Variants in PXDNL observed in about 807,000 individuals in gnomAD.
The protein encoded by PXDNL is peroxidasin like, also known as probable oxidoreductase PXDNL.
In PXDNL, 145 loss-of-function variants were observed where a neutral mutation model predicts 150.8. The observed-to-expected ratio is 0.96, with a 90% CI of 0.84 to 1.10. The LOEUF (loss-of-function observed/expected upper bound fraction) is 1.10. Among genes scored for constraint, PXDNL ranks in the 50% least tolerant of loss-of-function variants. The probability of loss-of-function intolerance (pLI) is 0.00; values close to 1 mark genes in which losing one functional copy is unlikely to be tolerated. For synonymous variants in PXDNL, 757 were observed against 725.7 expected, an observed-to-expected ratio of 1.04 and a Z score of -0.69; for missense variants, 2,087 against 1,873.9, an observed-to-expected ratio of 1.11 and a Z score of -2.10.
In PXDNL at chr8:51,323,959, AG is replaced by A. The variant is rs1274226731; in HGVS notation, c.4147-3063del. On this transcript the variant is annotated intron_variant, in intron 21 of 22. Transcript: ENST00000356297. ...ATAAAATAAAAAAATAAAAAAAAAA[AG>A]AATCTTGTACGGGTCATTAGTATAA... Among the ~76,000 whole-genome samples, 8 of 151,974 alleles carry A rather than the reference AG, an allele frequency of 5.3e-5. No individual in the cohort carries two copies. The East Asian group carries it at 1.5e-3, about 29-fold the overall frequency.
chr8:51,741,361 T>C (rs920775554), intron 1 of PXDNL, among the ~76,000 whole-genome samples: 3 of 152,216 alleles, frequency 2.0e-5, no homozygotes, highest in African/African-American at 4.8e-5. Flanking sequence ...GCTCCTATAT[T>C]GGGTGCATAT....
chr8:51,803,388 A>C (rs1045953902), intron 1 of PXDNL, among the ~76,000 whole-genome samples: 1 of 151,858 alleles, frequency 6.6e-6, no homozygotes, highest in Admixed American at 6.6e-5. Context: ...ACACAAAAAA[A>C]CTCTCCCTGT....
chr8:51,635,131 G>A (rs34228216), intron 2 of PXDNL, among the ~76,000 whole-genome samples: 70,391 of 151,826 alleles, frequency 0.46, 21,203 homozygotes, highest in African/African-American at 0.87. Context: ...TAAATGACAA[G>A]TGGGTCAGAG....
intron 1 of PXDNL, among the ~76,000 whole-genome samples, chr8:51,772,924 T>C (rs1028078150): frequency 9.2e-5 from 14 of 152,208 alleles, no homozygotes; most frequent in Admixed American, 4.6e-4. Context: ...AGGCATTCAC[T>C]GCACACTAAT....
At chr8:51,403,296 T>C (rs1430302666) in intron 17 of PXDNL, among the ~76,000 whole-genome samples, 1 of 152,160 alleles carries the variant, frequency 6.6e-6, no homozygotes, top group Non-Finnish European at 1.5e-5. Flanking sequence ...GGCAGGATAT[T>C]TGTACATGTC....
At chr8:51,450,298 C>T (rs1204676203) in intron 10 of PXDNL, among the ~76,000 whole-genome samples, 1 of 152,184 alleles carries the variant, frequency 6.6e-6, no homozygotes. Flanking sequence ...GTTTTATCAG[C>T]AGGGTCTTTG....
In PXDNL at chr8:51,744,764, AGGAAG is replaced by A. The variant is rs2036958284; in HGVS notation, c.164+64412_164+64416del. Among the ~76,000 whole-genome samples, 4 of 10,264 alleles carry A rather than the reference AGGAAG, an allele frequency of 3.9e-4. No individual in the cohort carries two copies. The Non-Finnish European group carries it at 0.014, about 37-fold the overall frequency. 6.7% of individuals were successfully genotyped at this position (10,264 alleles called of 152,430 possible). On this transcript the variant is annotated intron_variant, in intron 1 of 22. Coordinates refer to ENST00000356297, the MANE Select transcript of PXDNL (RefSeq NM_144651.5). ...AGAGAAAAGAAAAGAGAGAGAAAGA[AGGAAG>A]GAGAGAAAGAAAAGAGAGAAAAAGA...
intron 19 of PXDNL, among the ~76,000 whole-genome samples, chr8:51,359,182 C>A (rs1036481445): frequency 6.6e-6 from 1 of 152,092 alleles, no homozygotes; most frequent in Admixed American, 6.5e-5. Flanking sequence ...ATGAAAGGGT[C>A]CCGAATAGTT....
chr8:51,385,884 C>A (rs969992176), intron 17 of PXDNL, among the ~76,000 whole-genome samples: 2 of 152,192 alleles, frequency 1.3e-5, no homozygotes, highest in Non-Finnish European at 2.9e-5. Flanking sequence ...TCACCTTCCA[C>A]CATGATTGTG....
chr8:51,391,895 C>T (rs1172983378), intron 17 of PXDNL, among the ~76,000 whole-genome samples: 1 of 152,052 alleles, frequency 6.6e-6, no homozygotes, highest in East Asian at 1.9e-4. Context: ...GTCTTTAATC[C>T]ATCTTGAATT....
chr8:51,644,385 CAT>C (rs1313965159), intron 2 of PXDNL, among the ~76,000 whole-genome samples: 13 of 29,174 alleles, frequency 4.5e-4, no homozygotes, highest in Admixed American at 1.3e-3. Context: ...TATACACACA[CAT>C]ATGTGTATAT....
intron 19 of PXDNL, among the ~76,000 whole-genome samples, chr8:51,356,813 C>T (rs1374905194): frequency 6.6e-6 from 1 of 152,192 alleles, no homozygotes. Flanking sequence ...ACACTTGCTG[C>T]TTATCACTTC....
intron 1 of PXDNL, among the ~76,000 whole-genome samples, chr8:51,710,163 G>T (rs1402550711): frequency 6.6e-6 from 1 of 152,172 alleles, no homozygotes; most frequent in Non-Finnish European, 1.5e-5. Context: ...TGTAGGCTCT[G>T]AGACTCCACC....
intron 1 of PXDNL, among the ~76,000 whole-genome samples, chr8:51,730,186 CAG>C (rs1816891578): frequency 7.6e-6 from 1 of 131,290 alleles, no homozygotes; most frequent in East Asian, 2.3e-4. Flanking sequence ...AGGGTATTGA[CAG>C]GGGGTAGCTT....
chr8:51,772,717 G>A (rs1034341348), intron 1 of PXDNL, among the ~76,000 whole-genome samples: 1 of 152,212 alleles, frequency 6.6e-6, no homozygotes, highest in African/African-American at 2.4e-5. Context: ...AGAGGCTGAA[G>A]ACATGGGGCT....
At chr8:51,432,051 T>C (rs1277953825) in intron 12 of PXDNL, among the ~76,000 whole-genome samples, 1 of 152,230 alleles carries the variant, frequency 6.6e-6, no homozygotes, top group East Asian at 1.9e-4. Flanking sequence ...CTGTAATTTG[T>C]TTTGCAAATC....
chr8:51,525,027 C>T (rs1212908930), intron 4 of PXDNL, among the ~76,000 whole-genome samples: 1 of 152,118 alleles, frequency 6.6e-6, no homozygotes, highest in Non-Finnish European at 1.5e-5. Flanking sequence ...TCCCAGAAGA[C>T]TGAGAACTAA....
chr8:51,532,816 T>C (rs1394524157), intron 4 of PXDNL, among the ~76,000 whole-genome samples: 3 of 152,066 alleles, frequency 2.0e-5, no homozygotes, highest in African/African-American at 7.2e-5. Flanking sequence ...TTAAAACAAA[T>C]GATAGAATAA....
intron 12 of PXDNL, among the ~76,000 whole-genome samples, chr8:51,445,341 T>C (rs1809650640): frequency 6.6e-6 from 1 of 152,202 alleles, no homozygotes; most frequent in Non-Finnish European, 1.5e-5. Context: ...TCCTTCCATA[T>C]GGCTCTCACC....
Sources: gnomAD v4.1 joint callset for allele counts (sites outside exome capture counted in the v4.1 genomes callset) on GRCh38, gnomAD v4.1.1 for gene constraint, MANE v1.5 for transcripts, NCBI Gene and HGNC (gene_info 2026-07-23, HGNC 2026-07-21) for gene names.